Variants in KCNH8 observed in about 807,000 individuals in gnomAD.
The protein encoded by KCNH8 is voltage-gated delayed rectifier potassium channel KCNH8.
KCNH8 carries 70 observed loss-of-function variants against 103.6 expected under a neutral mutation model. That is an observed-to-expected ratio of 0.68 (90% confidence interval 0.56 to 0.82). KCNH8 has a LOEUF of 0.82. KCNH8 is among the 40% of genes least tolerant of loss of function. KCNH8 has a pLI of 0.00. For synonymous variants in KCNH8, 498 were observed against 489.4 expected, an observed-to-expected ratio of 1.02 and a Z score of -0.23; for missense variants, 1,217 against 1,329.9, an observed-to-expected ratio of 0.92 and a Z score of 1.32.
chr3:19,230,481 G>T (rs1411249489), intron 1 of KCNH8, among the ~76,000 whole-genome samples: 1 of 152,044 alleles, frequency 6.6e-6, no homozygotes, highest in African/African-American at 2.4e-5. Flanking sequence ...ATAAATACCA[G>T]ACTTGATAAT....
chr3:19,309,837 G>A (rs894172755), intron 3 of KCNH8, among the ~76,000 whole-genome samples: 1 of 151,906 alleles, frequency 6.6e-6, no homozygotes, highest in Non-Finnish European at 1.5e-5. Context: ...GAAACTATGT[G>A]AAAATCTGTC....
chr3:19,174,796 A>G (rs1400801154), intron 1 of KCNH8, among the ~76,000 whole-genome samples: 1 of 152,220 alleles, frequency 6.6e-6, no homozygotes, highest in Non-Finnish European at 1.5e-5. Context: ...AATATATGCA[A>G]TTTAAAATAT....
intron 1 of KCNH8, among the ~76,000 whole-genome samples, chr3:19,191,915 T>G (rs1217547492): frequency 6.6e-6 from 1 of 151,802 alleles, no homozygotes; most frequent in African/African-American, 2.4e-5. Context: ...ATATTCATGA[T>G]TAGGACATTA....
intron 5 of KCNH8, among the ~76,000 whole-genome samples, chr3:19,376,621 C>T (rs2066210878): frequency 6.6e-6 from 1 of 152,202 alleles, no homozygotes; most frequent in African/African-American, 2.4e-5. Flanking sequence ...CTTGGCTCCT[C>T]TCCCTGTATA....
intron 11 of KCNH8, among the ~76,000 whole-genome samples, chr3:19,491,942 CAT>C (rs2068331810): frequency 6.6e-6 from 1 of 151,950 alleles, no homozygotes; most frequent in Non-Finnish European, 1.5e-5. Flanking sequence ...AGCTTTTTTT[CAT>C]ATGTTTGTTG....
chr3:19,332,876 G>T (rs184057423), intron 3 of KCNH8, among the ~76,000 whole-genome samples: 1 of 151,950 alleles, frequency 6.6e-6, no homozygotes, highest in Non-Finnish European at 1.5e-5. Context: ...CAAGTGATCC[G>T]CCCGCCTTGG....
intron 11 of KCNH8, among the ~76,000 whole-genome samples, chr3:19,472,425 C>G (rs767105114): frequency 6.6e-6 from 1 of 152,068 alleles, no homozygotes; most frequent in Admixed American, 6.6e-5. Context: ...ATCATGTGGG[C>G]AGGTCTTTCC....
chr3:19,354,225 A>G (rs998283876), intron 5 of KCNH8, among the ~76,000 whole-genome samples: 9 of 152,184 alleles, frequency 5.9e-5, no homozygotes, highest in African/African-American at 2.2e-4. Context: ...TCATCGAAGT[A>G]AAAGAGGACA....
rs532443885 is a variant in KCNH8, at chr3:19,271,223, A to G, written c.311-9975A>G. 7.2e-5 allele frequency among the ~76,000 whole-genome samples: 11 copies of G among 152,250 alleles called. No homozygotes were observed. The East Asian group carries it at 2.1e-3, about 29-fold the overall frequency. On this transcript the variant is annotated intron_variant, in intron 2 of 15. Coordinates refer to ENST00000328405, the MANE Select transcript of KCNH8 (RefSeq NM_144633.3). ...ATTTGAGGTCTAGTCCCAACTCTTA[A>G]AACAATTAGCATTTTTGACTTCAGT... is the stretch of plus-strand genomic sequence containing the variant.
chr3:19,392,380 G>A (rs1394343728), intron 6 of KCNH8, among the ~76,000 whole-genome samples: 1 of 150,710 alleles, frequency 6.6e-6, no homozygotes, highest in Admixed American at 6.6e-5. Context: ...TACTTGTTCT[G>A]CTTTTCACAG....
At chr3:19,165,997 C>T (rs984567732) in intron 1 of KCNH8, among the ~76,000 whole-genome samples, 1 of 152,162 alleles carries the variant, frequency 6.6e-6, no homozygotes, top group Non-Finnish European at 1.5e-5. Flanking sequence ...GTGTCATGTT[C>T]GTTAATATCC....
intron 1 of KCNH8, among the ~76,000 whole-genome samples, chr3:19,234,187 C>T (rs1170487092): frequency 6.6e-6 from 1 of 152,208 alleles, no homozygotes; most frequent in Non-Finnish European, 1.5e-5. Flanking sequence ...AGGTTCTCCA[C>T]GTCCCTACCA....
intron 11 of KCNH8, among the ~76,000 whole-genome samples, chr3:19,464,032 A>G (rs896085710): frequency 5.3e-5 from 8 of 152,150 alleles, no homozygotes; most frequent in Admixed American, 2.6e-4. Flanking sequence ...AGCTAATTAT[A>G]AACTAAAATA....
At chr3:19,169,861 T>C (rs1369965311) in intron 1 of KCNH8, among the ~76,000 whole-genome samples, 3 of 152,226 alleles carry the variant, frequency 2.0e-5, no homozygotes, top group African/African-American at 7.2e-5. Context: ...GACTGAGAAG[T>C]TGTATATCAT....
intron 7 of KCNH8, among the ~76,000 whole-genome samples, chr3:19,413,795 G>A (rs747528856): frequency 1.3e-5 from 2 of 151,972 alleles, no homozygotes; most frequent in Non-Finnish European, 2.9e-5. Context: ...GCCCTCCTCT[G>A]TTTTAAAAAC....
At chr3:19,329,041 A>G (rs2065469252) in intron 3 of KCNH8, among the ~76,000 whole-genome samples, 1 of 152,182 alleles carries the variant, frequency 6.6e-6, no homozygotes, top group African/African-American at 2.4e-5. Flanking sequence ...AGCTTTCTTT[A>G]ATAAATACAT....
intron 1 of KCNH8, among the ~76,000 whole-genome samples, chr3:19,194,141 G>T (rs1048972814): frequency 6.6e-6 from 1 of 151,432 alleles, no homozygotes; most frequent in African/African-American, 2.4e-5. Context: ...TTAAAATTCT[G>T]CTGGAGAAAT....
chr3:19,312,789 C>A (rs2065222915), intron 3 of KCNH8, among the ~76,000 whole-genome samples: 1 of 151,900 alleles, frequency 6.6e-6, no homozygotes, highest in Admixed American at 6.6e-5. Context: ...AACTTTGAAA[C>A]TGTGGAAATC....
At chr3:19,226,966 A>G (rs2063939504) in intron 1 of KCNH8, among the ~76,000 whole-genome samples, 1 of 152,146 alleles carries the variant, frequency 6.6e-6, no homozygotes, top group African/African-American at 2.4e-5. Flanking sequence ...CTTAGGGTCT[A>G]TTTTTGGAGC....
Sources: allele counts gnomAD v4.1 joint callset (sites outside exome capture counted in the v4.1 genomes callset), GRCh38; gene constraint gnomAD v4.1.1; transcripts MANE v1.5; gene names NCBI Gene and HGNC (gene_info 2026-07-23, HGNC 2026-07-21).